Variants in MGAM observed in about 807,000 individuals in gnomAD.
MGAM encodes maltase-glucoamylase.
Under a neutral mutation model 358.8 loss-of-function variants are expected in MGAM, and 253 were observed. The ratio of observed to expected loss-of-function variants is 0.71; its 90% confidence interval spans 0.64 to 0.78. The LOEUF (loss-of-function observed/expected upper bound fraction) is 0.78. Among genes scored for constraint, MGAM ranks in the 30% least tolerant of loss-of-function variants. The pLI, the probability that MGAM is intolerant of heterozygous loss-of-function variation, is 0.00. For missense variants in MGAM, 3,080 were observed against 3,432.6 expected, an observed-to-expected ratio of 0.90 and a Z score of 2.57; for synonymous variants, 1,105 against 1,227.1, an observed-to-expected ratio of 0.90 and a Z score of 2.08.
In MGAM at chr7:142,087,258, C is replaced by G. The variant is rs1412790769; in HGVS notation, c.6810+541C>G. Among the ~76,000 whole-genome samples the G allele has an allele frequency of 7.6e-5, 11 of 145,570 alleles. 2 individuals are homozygous for G. The highest frequency in any genetic ancestry group is 2.1e-4 in the Admixed American group (3 of 14,406). ...GGGTTTCTCAACTTTGCTTTTACCT[C>G]TCAGTTTCCAGCCTTACTGTAAAAC... On this transcript the variant is annotated intron_variant, in intron 57 of 70. Coordinates refer to ENST00000475668, the MANE Select transcript of MGAM (RefSeq NM_001365693.1).
chr7:142,096,103 T>C (rs1368414030), intron 64 of MGAM: 1 of 612,420 alleles, frequency 1.6e-6, no homozygotes, highest in East Asian at 2.8e-5. Flanking sequence ...GGGGCAAGTA[T>C]TTTACAAGAG....
At chr7:142,050,535 A>G (rs559608740) in intron 23 of MGAM, among the ~76,000 whole-genome samples, 162 bp from the exon 24 acceptor site, 2 of 152,300 alleles carry the variant, frequency 1.3e-5, no homozygotes, top group South Asian at 4.1e-4. Flanking sequence ...TTAGAGGATT[A>G]TCCAAATAAT....
chr7:142,013,324 T>C (rs1173549512), intron 3 of MGAM, among the ~76,000 whole-genome samples: 3 of 152,072 alleles, frequency 2.0e-5, no homozygotes, highest in African/African-American at 7.2e-5. Flanking sequence ...TGGCAGGAAA[T>C]GGTTGATGCC....
In MGAM at chr7:142,060,292, A is replaced by G. The variant is rs1432988204; in HGVS notation, c.4060-19A>G. ...GAAATTGTCTAGTGCATCGCTACTG[A>G]ACGTATTTCTCTCCATAGGTCTGGC... On this transcript the variant is annotated intron_variant, in intron 33 of 70. Coordinates refer to ENST00000475668, the MANE Select transcript of MGAM (RefSeq NM_001365693.1). 3 of 1,613,004 alleles carry G rather than the reference A, an allele frequency of 1.9e-6. No homozygotes were observed. The highest frequency in any genetic ancestry group is 3.3e-5 in the Admixed American group (2 of 60,030).
chr7:142,076,956 G>A, intron 47 of MGAM, 130 bp downstream of exon 47: 1 of 1,073,422 alleles, frequency 9.3e-7, no homozygotes, highest in East Asian at 2.5e-5. Context: ...GGAATTGAGA[G>A]GGCACCTTTG....
chr7:142,013,144 G>A (rs1219209814), intron 3 of MGAM, among the ~76,000 whole-genome samples: 2 of 151,820 alleles, frequency 1.3e-5, no homozygotes, highest in African/African-American at 2.4e-5. Context: ...TTTCAGAGTA[G>A]CATAAAGGCT....
In MGAM at chr7:142,008,638, C is replaced by T. The variant is rs1554453338; in HGVS notation, c.260C>T (p.Ser87Phe). The change falls in exon 3 of 71, where the codon TCT (serine) becomes TTT (phenylalanine). Residue 87 changes from serine (S) to phenylalanine (F), a missense_variant. Transcript: ENST00000475668. Reference protein sequence around the residue: ...DPGTTGTTPVSAECPVVNELE... With the variant: ...DPGTTGTTPVFAECPVVNELE... ...GGAACAACTGGTACCACTCCTGTTT[C>T]TGCTGAATGTCCAGTGGTAAATGAA... The T allele has an allele frequency of 6.2e-7, 1 of 1,613,242 alleles. No homozygotes were observed. Among genetic ancestry groups the T allele is most frequent in the African/African-American group, 1.3e-5 (1 of 75,012 alleles).
chr7:142,095,978 C>G (rs1435755922), intron 64 of MGAM: 7 of 621,490 alleles, frequency 1.1e-5, no homozygotes, highest in African/African-American at 1.8e-5. Flanking sequence ...AAAGGCCTAT[C>G]TATCTTTTGT....
At chr7:142,103,817 A>C (rs1476609354) in intron 70 of MGAM, among the ~76,000 whole-genome samples, 1 of 152,172 alleles carries the variant, frequency 6.6e-6, no homozygotes, top group African/African-American at 2.4e-5. Context: ...AGAAAGAAAA[A>C]AGGATGACAA....
Position 142,034,796 on chromosome 7 carries a change from G to T in MGAM, c.1914G>T (p.Trp638Cys). ...CTGCCACCTGGGATGACCTGAGATGGTCCATCCCTGGCGTGCTTGAGTTCA... is the reference window on the plus strand; with the variant it reads ...CTGCCACCTGGGATGACCTGAGATGTTCCATCCCTGGCGTGCTTGAGTTCA... ...DNTATWDDLR[W>C]SIPGVLEFNL... Residue 638 changes from tryptophan to cysteine, a missense_variant, in exon 16 of 71, where the codon TGG (tryptophan) becomes TGT (cysteine). Physicochemically the swap from Trp to Cys is radical, Grantham distance 215 (BLOSUM62 -2). Around this residue, in one of 5 missense-constraint regions of MGAM, gnomAD observed 1,816 missense variants for 1,840.5 expected, o/e 0.99. Coordinates refer to ENST00000475668, the MANE Select transcript of MGAM (RefSeq NM_001365693.1). 6.2e-7 allele frequency: 1 copy of T among 1,613,476 alleles called. No homozygotes were observed. The highest frequency in any genetic ancestry group is 8.5e-7 in the Non-Finnish European group (1 of 1,179,544).
At chr7:142,103,955 T>A (rs1390696160) in intron 70 of MGAM, among the ~76,000 whole-genome samples, 1 of 151,836 alleles carries the variant, frequency 6.6e-6, no homozygotes, top group Non-Finnish European at 1.5e-5. Context: ...GCCTCCCAGG[T>A]TCATGCCATT....
At chr7:142,093,740 A>G (rs1478671055) in intron 60 of MGAM, among the ~76,000 whole-genome samples, 190 bp downstream of exon 60, 4 of 146,414 alleles carry the variant, frequency 2.7e-5, no homozygotes, top group Non-Finnish European at 6.2e-5. Context: ...AAGGAGGAGG[A>G]CAGATTTAAA....
intron 34 of MGAM, among the ~76,000 whole-genome samples, chr7:142,060,665 A>G (rs1167757842): frequency 6.6e-6 from 1 of 152,254 alleles, no homozygotes; most frequent in Non-Finnish European, 1.5e-5. Flanking sequence ...CAAGGCTGTC[A>G]GATTCCAAAG....
chr7:142,061,087 G>T (rs1216761500), intron 34 of MGAM, among the ~76,000 whole-genome samples: 1 of 152,230 alleles, frequency 6.6e-6, no homozygotes, highest in East Asian at 1.9e-4. Context: ...GAAAGTGAAG[G>T]CAGAAGCCAC....
intron 2 of MGAM, among the ~76,000 whole-genome samples, chr7:142,005,912 T>C (rs1452036096): frequency 6.6e-6 from 1 of 152,040 alleles, no homozygotes; most frequent in Non-Finnish European, 1.5e-5. Flanking sequence ...CCAAATTTCC[T>C]TAAATAAGTC....
At position 142,059,816 on chromosome 7, in the gene MGAM, T is replaced by C. The variant is rs367837546; in HGVS notation, c.3949-40T>C. 8.2e-6 allele frequency: 13 copies of C among 1,585,890 alleles called. No individual in the cohort carries two copies. In the African/African-American group the frequency reaches 1.3e-4, roughly 16 times the overall value. On this transcript the variant is annotated intron_variant, in intron 32 of 70. Coordinates refer to ENST00000475668, the MANE Select transcript of MGAM (RefSeq NM_001365693.1). ...CTTCATTCTGTTTCTCCTCATTCTC[T>C]GGCTTTGGTTTTCCCAACTGACTTA...
Position 142,084,523 on chromosome 7 carries a change from T to A in MGAM, c.6386T>A (p.Ile2129Asn), listed in dbSNP as rs532339701. ...ELVTQQYTELIGRPVMVPYWS... is the reference protein window; with the variant it reads ...ELVTQQYTELNGRPVMVPYWS... ...TATTTTCTGTCTATTTTCTAGTTGATTGGCCGGCCTGTGATGGTACCTTAC... is the reference window on the plus strand; with the variant it reads ...TATTTTCTGTCTATTTTCTAGTTGAATGGCCGGCCTGTGATGGTACCTTAC... Residue 2129 changes from isoleucine to asparagine, a missense_variant, in exon 54 of 71, where the codon ATT (isoleucine) becomes AAT (asparagine). By Grantham distance (149) the Ile-to-Asn change is moderately radical. Transcript: ENST00000475668. 6.4e-7 allele frequency: 1 copy of A among 1,555,606 alleles called. No homozygotes were observed. Among genetic ancestry groups the A allele is most frequent in the East Asian group, 2.3e-5 (1 of 43,956 alleles).
At chr7:142,057,886 T>C (rs1811712758) in intron 30 of MGAM, among the ~76,000 whole-genome samples, 1 of 152,100 alleles carries the variant, frequency 6.6e-6, no homozygotes, top group African/African-American at 2.4e-5. Flanking sequence ...TTGCCCAAGG[T>C]CACACAGCTA....
intron 11 of MGAM, 40 bp downstream of exon 11, chr7:142,030,533 C>T: frequency 2.5e-6 from 4 of 1,612,216 alleles, no homozygotes; most frequent in Non-Finnish European, 3.4e-6. Flanking sequence ...GGTATTTGCT[C>T]CTCCGTATCA....
Sources: gnomAD v4.1 joint callset for allele counts (sites outside exome capture counted in the v4.1 genomes callset) on GRCh38, gnomAD v4.1.1 for gene constraint, gnomAD v4.1.1 regional missense constraint, MANE v1.5 for transcripts, NCBI Gene and HGNC (gene_info 2026-07-23, HGNC 2026-07-21) for gene names.